Variants in ROBO2 observed in about 807,000 individuals in gnomAD.
ROBO2 encodes the protein roundabout guidance receptor 2.
In ROBO2, 53 loss-of-function variants were observed where a neutral mutation model predicts 160.8. That is an observed-to-expected ratio of 0.33 (90% CI 0.26 to 0.41). ROBO2 has a LOEUF of 0.41. ROBO2 is among the 10% of genes least tolerant of loss of function. The pLI is 1.00. For missense variants in ROBO2, 1,577 were observed against 1,722.4 expected (o/e 0.92, Z 1.49); for synonymous variants, 664 against 611.7 (o/e 1.09, Z -1.26).
At chr3:77,357,766 T>C (rs985134859) in intron 2 of ROBO2, among the ~76,000 whole-genome samples, 1 of 152,126 alleles carries the variant, frequency 6.6e-6, no homozygotes, top group African/African-American at 2.4e-5. Flanking sequence ...AAGAGACTGG[T>C]CCTAGCCTTA....
chr3:76,437,233 A>G (rs1302369446), intron 2 of ROBO2, among the ~76,000 whole-genome samples: 2 of 152,178 alleles, frequency 1.3e-5, no homozygotes, highest in African/African-American at 4.8e-5. Flanking sequence ...TATTTTAAGG[A>G]AAAACATTTT....
intron 2 of ROBO2, among the ~76,000 whole-genome samples, chr3:77,370,271 A>G (rs1233237516): frequency 6.6e-6 from 1 of 152,190 alleles, no homozygotes; most frequent in African/African-American, 2.4e-5. Context: ...ATCAAAGGTA[A>G]TAGTCATACT....
intron 2 of ROBO2, among the ~76,000 whole-genome samples, chr3:76,984,426 C>A (rs1334817030): frequency 1.3e-5 from 2 of 152,098 alleles, no homozygotes; most frequent in African/African-American, 4.8e-5. Flanking sequence ...AGAAAAAGTA[C>A]AAAAGGAAGA....
chr3:77,448,253 A>G (rs1159833783), intron 2 of ROBO2, among the ~76,000 whole-genome samples: 2 of 152,262 alleles, frequency 1.3e-5, no homozygotes, highest in East Asian at 3.9e-4. Context: ...AGTCTGGCCT[A>G]TGACTTTTGA....
intron 2 of ROBO2, among the ~76,000 whole-genome samples, chr3:76,143,209 T>A (rs2071752874): frequency 6.6e-6 from 1 of 152,008 alleles, no homozygotes; most frequent in Non-Finnish European, 1.5e-5. Context: ...ACTATTATTA[T>A]TTGTAGAGAC....
At chr3:77,512,470 T>G (rs903521977) in intron 5 of ROBO2, among the ~76,000 whole-genome samples, 1 of 151,984 alleles carries the variant, frequency 6.6e-6, no homozygotes, top group Non-Finnish European at 1.5e-5. Context: ...TTTAATGTAA[T>G]TGAATAACAC....
At chr3:77,478,440 G>T (rs2084301394) in intron 3 of ROBO2, among the ~76,000 whole-genome samples, 1 of 152,102 alleles carries the variant, frequency 6.6e-6, no homozygotes, top group Non-Finnish European at 1.5e-5. Flanking sequence ...GTTTTCAAAG[G>T]AAATTTATAA....
Position 77,317,527 on chromosome 3 carries a change from T to C in ROBO2, c.389-159887T>C, listed in dbSNP as rs537548223. The C allele has an allele frequency of 1.2e-4, 164 of 1,409,672 alleles. 1 individual carries two copies. The South Asian group carries it at 1.8e-3, about 16-fold the overall frequency. The allele number at this position is 1,409,672 out of a possible 1,614,324, so 87.3% of individuals were successfully genotyped here. ...TCAGATTTCGTTTTCAAATCAAGCTTTATTAAGCCAATCCATAGCCCTTGG... is the reference window on the plus strand; with the variant it reads ...TCAGATTTCGTTTTCAAATCAAGCTCTATTAAGCCAATCCATAGCCCTTGG... On this transcript the variant is annotated intron_variant, in intron 2 of 25. Coordinates refer to ENST00000461745, the Ensembl canonical transcript of ROBO2.
chr3:77,316,788 G>A (rs2064038087), intron 2 of ROBO2: 6 of 1,273,402 alleles, frequency 4.7e-6, no homozygotes, highest in Non-Finnish European at 5.7e-6. Flanking sequence ...CAAGCTTGTG[G>A]CCACCAGCCT....
chr3:76,919,146 G>T, intron 2 of ROBO2, among the ~76,000 whole-genome samples: 1 of 151,912 alleles, frequency 6.6e-6, no homozygotes, highest in East Asian at 1.9e-4. Context: ...ACATTTACCT[G>T]TGTAACAAAC....
At chr3:77,206,917 A>G (rs143364591) in intron 2 of ROBO2, among the ~76,000 whole-genome samples, 379 of 152,234 alleles carry the variant, frequency 2.5e-3, no homozygotes, top group Middle Eastern at 6.8e-3. Context: ...AGCTCAAACC[A>G]AGGCTATGCA....
rs1280942722 is a variant in ROBO2 at position 76,477,356 on chromosome 3, G to A, written c.109+539754G>A. 2.6e-5 allele frequency among the ~76,000 whole-genome samples: 4 copies of A among 152,118 alleles called. No individual in the cohort carries two copies. In the East Asian group the frequency reaches 7.7e-4, roughly 29 times the overall value. On this transcript the variant is annotated intron_variant, in intron 2 of 26. Coordinates refer to the ROBO2 transcript ENST00000487694. ...ATTGTCCATTCCAAATTATAAATCA[G>A]ATGATTATAAATATTTTTATGATTA...
intron 1 of ROBO2, among the ~76,000 whole-genome samples, chr3:77,044,193 A>G (rs933124850): frequency 3.9e-5 from 6 of 152,178 alleles, no homozygotes; most frequent in African/African-American, 1.4e-4. Flanking sequence ...GATTATATAA[A>G]AAGAGCAGTT....
intron 2 of ROBO2, among the ~76,000 whole-genome samples, chr3:77,389,692 C>T (rs2074510327): frequency 1.3e-5 from 2 of 149,120 alleles, no homozygotes; most frequent in South Asian, 2.1e-4. Flanking sequence ...TTCTTCATGT[C>T]TTTCTCCCTT....
chr3:76,578,791 C>G (rs955483288), intron 2 of ROBO2, among the ~76,000 whole-genome samples: 4 of 152,228 alleles, frequency 2.6e-5, no homozygotes, highest in Middle Eastern at 3.4e-3. Context: ...TCAACAGCCT[C>G]CACGGCATCT....
intron 2 of ROBO2, among the ~76,000 whole-genome samples, chr3:77,122,559 A>C (rs2150279338): frequency 6.6e-6 from 1 of 152,342 alleles, no homozygotes; most frequent in East Asian, 1.9e-4. Flanking sequence ...AGAAATCCAC[A>C]AAGTTAGCTA....
intron 2 of ROBO2, among the ~76,000 whole-genome samples, chr3:76,125,796 T>C (rs1201660798): frequency 1.3e-5 from 2 of 152,126 alleles, no homozygotes; most frequent in Non-Finnish European, 2.9e-5. Flanking sequence ...CAAATAACAG[T>C]GTCTTAGAGC....
At chr3:77,405,321 G>A (rs116050917) in intron 2 of ROBO2, among the ~76,000 whole-genome samples, 1,981 of 152,130 alleles carry the variant, frequency 0.013, 36 homozygotes, top group African/African-American at 0.035. Context: ...ATTCTTCTCT[G>A]TAAAAATAAA....
chr3:76,755,427 A>C (rs760746011), intron 2 of ROBO2, among the ~76,000 whole-genome samples: 3 of 151,858 alleles, frequency 2.0e-5, no homozygotes, highest in Non-Finnish European at 4.4e-5. Flanking sequence ...ATTAATTTCC[A>C]AATTGTATCC....
Sources: allele counts gnomAD v4.1 joint callset (sites outside exome capture counted in the v4.1 genomes callset), GRCh38; gene constraint gnomAD v4.1.1; transcripts MANE v1.5; gene names NCBI Gene and HGNC (gene_info 2026-07-23, HGNC 2026-07-21).